SH3PXD2A: variants seen among roughly 807,000 people sequenced by gnomAD.
SH3PXD2A encodes SH3 and PX domain-containing protein 2A.
In SH3PXD2A, 32 loss-of-function variants were observed where a neutral mutation model predicts 115.2. The observed-to-expected ratio is 0.28, with a 90% CI of 0.21 to 0.37. The LOEUF (loss-of-function observed/expected upper bound fraction) is 0.37. Ranked by LOEUF, SH3PXD2A falls within the 10% of genes least tolerant of loss-of-function variation. The pLI is 1.00. For synonymous variants in SH3PXD2A, 610 were observed against 629.1 expected (o/e 0.97, Z 0.45); for missense variants, 1,328 against 1,498.7 (o/e 0.89, Z 1.88).
At chr10:103,809,149 G>A (rs2039238288) in intron 1 of SH3PXD2A, among the ~76,000 whole-genome samples, 1 of 152,178 alleles carries the variant, frequency 6.6e-6, no homozygotes, top group Admixed American at 6.5e-5. Context: ...CCTCTAGAGT[G>A]GGTGTTCATT....
rs140233894 is a variant in SH3PXD2A, at chr10:103,649,095, G to C, written c.604+11888C>G. 1.5e-3 allele frequency among the ~76,000 whole-genome samples: 232 copies of C among 152,316 alleles called. 1 individual carries two copies. The highest frequency in any genetic ancestry group is 4.7e-3 in the African/African-American group (194 of 41,574). ...CAACATGGTCAAATTCCCCTCGCCT[G>C]CTCCCTCTGAGCTGAAACTGGCCCG... On this transcript the variant is annotated intron_variant, in intron 8 of 14. Transcript: ENST00000369774.
At chr10:103,753,022 GTA>G (rs561446789) in intron 3 of SH3PXD2A, among the ~76,000 whole-genome samples, 1 of 151,414 alleles carries the variant, frequency 6.6e-6, no homozygotes, top group Non-Finnish European at 1.5e-5. Context: ...CCTCTAATAT[GTA>G]TATATATATA....
intron 14 of SH3PXD2A, among the ~76,000 whole-genome samples, chr10:103,605,095 T>G (rs1205331373): frequency 6.6e-6 from 1 of 152,220 alleles, no homozygotes; most frequent in African/African-American, 2.4e-5. Context: ...TAGAGTGGCA[T>G]GAATGCTGGA....
intron 11 of SH3PXD2A, among the ~76,000 whole-genome samples, chr10:103,616,718 G>GCCTGCA (rs1335785952): frequency 6.6e-6 from 1 of 152,188 alleles, no homozygotes; most frequent in Non-Finnish European, 1.5e-5. Flanking sequence ...GCTGCAAGAG[G>GCCTGCA]CCTGCACCTG....
At chr10:103,649,979 C>G (rs74154571) in intron 8 of SH3PXD2A, among the ~76,000 whole-genome samples, 7 of 152,352 alleles carry the variant, frequency 4.6e-5, no homozygotes, top group African/African-American at 1.7e-4. Flanking sequence ...GACACTGGCC[C>G]CCAGAAGCCT....
chr10:103,722,640 A>T (rs1332748541), intron 5 of SH3PXD2A, among the ~76,000 whole-genome samples: 2 of 147,358 alleles, frequency 1.4e-5, no homozygotes, highest in African/African-American at 5.0e-5. Flanking sequence ...TTTAAGATTC[A>T]TCCCTGTTTC....
rs35989649 is a variant in SH3PXD2A at position 103,853,127 on chromosome 10, G to A, written c.72+2068C>T. 9.6e-3 allele frequency among the ~76,000 whole-genome samples: 1,459 copies of A among 152,240 alleles called. 7 individuals carry two copies. Among genetic ancestry groups the A allele is most frequent in the Non-Finnish European group, 0.016 (1,106 of 68,008 alleles). On this transcript the variant is annotated intron_variant, in intron 1 of 14. Transcript: ENST00000369774. Reference sequence around the variant, plus strand: ...CTGCCCCCCCAAACATAATGTCATCGATTCTTACTCGGGAAGCGGAGATGT... The same window carrying A: ...CTGCCCCCCCAAACATAATGTCATCAATTCTTACTCGGGAAGCGGAGATGT...
intron 2 of SH3PXD2A, among the ~76,000 whole-genome samples, chr10:103,798,564 T>A (rs1237025327): frequency 1.3e-5 from 2 of 152,192 alleles, no homozygotes; most frequent in African/African-American, 4.8e-5. Flanking sequence ...GGAGAGGGCT[T>A]CCATCAGATT....
At chr10:103,753,558 C>A (rs2038605394) in intron 3 of SH3PXD2A, among the ~76,000 whole-genome samples, 1 of 148,030 alleles carries the variant, frequency 6.8e-6, no homozygotes, top group Non-Finnish European at 1.5e-5. Context: ...GTGGAGGGAA[C>A]TGGGTTTGAA....
At chr10:103,755,695 C>G (rs2038632669) in intron 3 of SH3PXD2A, among the ~76,000 whole-genome samples, 1 of 152,152 alleles carries the variant, frequency 6.6e-6, no homozygotes, top group Admixed American at 6.5e-5. Context: ...AAGTAGAAAG[C>G]CCAGGTATGA....
At chr10:103,685,497 T>C (rs1044874919) in intron 6 of SH3PXD2A, among the ~76,000 whole-genome samples, 1 of 152,144 alleles carries the variant, frequency 6.6e-6, no homozygotes, top group Non-Finnish European at 1.5e-5. Flanking sequence ...ACACCCCACC[T>C]TCCCCCTGTC....
intron 3 of SH3PXD2A, among the ~76,000 whole-genome samples, chr10:103,757,863 G>A (rs1330640029): frequency 6.6e-6 from 1 of 152,190 alleles, no homozygotes; most frequent in East Asian, 1.9e-4. Context: ...TGCAGGAAGT[G>A]AGGCTGTGCC....
intron 1 of SH3PXD2A, among the ~76,000 whole-genome samples, chr10:103,816,953 C>T (rs1224101098): frequency 6.6e-6 from 1 of 151,418 alleles, no homozygotes; most frequent in Non-Finnish European, 1.5e-5. Context: ...GCCTCAGCCT[C>T]CTGACTAGCT....
intron 4 of SH3PXD2A, among the ~76,000 whole-genome samples, chr10:103,729,252 A>G (rs1477324263): frequency 6.6e-6 from 1 of 151,496 alleles, no homozygotes; most frequent in African/African-American, 2.4e-5. Context: ...GCCCTGATCC[A>G]CTCCCTCCTG....
At chr10:103,640,280 A>T (rs527578581) in intron 8 of SH3PXD2A, among the ~76,000 whole-genome samples, 6 of 152,096 alleles carry the variant, frequency 3.9e-5, no homozygotes, top group Admixed American at 1.3e-4. Flanking sequence ...GCACCACTGC[A>T]CTGTAGCCTG....
Position 103,602,918 on chromosome 10 carries a change from G to C in SH3PXD2A, c.2300C>G (p.Ser767Trp). The C allele has an allele frequency of 6.2e-7, 1 of 1,614,074 alleles. No individual in the cohort carries two copies. The highest frequency in any genetic ancestry group is 8.5e-7 in the Non-Finnish European group (1 of 1,180,044). The change falls in exon 15 of 15, where the codon TCG (serine) becomes TGG (tryptophan). Residue 767 changes from serine (S) to tryptophan (W), a missense_variant. Ser to Trp is a radical substitution (Grantham distance 177, BLOSUM62 -3). This residue lies in a region of SH3PXD2A where 574 missense variants were observed against 565.7 expected (regional missense o/e 1.01). Transcript: ENST00000369774. ...RPKPFLNRAE[S>W]QSQEKMDIST... ...GATGTCCATCTTCTCTTGGCTCTGCGACTCTGCTCGGTTTAGGAATGGCTT... is the reference window on the plus strand; with the variant it reads ...GATGTCCATCTTCTCTTGGCTCTGCCACTCTGCTCGGTTTAGGAATGGCTT...
intron 8 of SH3PXD2A, among the ~76,000 whole-genome samples, chr10:103,650,771 A>C (rs1404874197): frequency 6.6e-6 from 1 of 152,194 alleles, no homozygotes; most frequent in Non-Finnish European, 1.5e-5. Context: ...CCTCAGCCAC[A>C]CTTTGCTTTC....
chr10:103,853,241 A>C (rs147684673), intron 1 of SH3PXD2A, among the ~76,000 whole-genome samples: 17 of 152,360 alleles, frequency 1.1e-4, no homozygotes, highest in African/African-American at 3.4e-4. Context: ...CACATAGAAC[A>C]AGTTATTATC....
chr10:103,743,930 C>T (rs759093632), intron 3 of SH3PXD2A, among the ~76,000 whole-genome samples: 2 of 152,198 alleles, frequency 1.3e-5, no homozygotes, highest in East Asian at 1.9e-4. Context: ...AACAGGGTCT[C>T]GCTAGGGAAG....
Sources: gnomAD v4.1 joint callset for allele counts (sites outside exome capture counted in the v4.1 genomes callset) on GRCh38, gnomAD v4.1.1 for gene constraint, gnomAD v4.1.1 regional missense constraint, MANE v1.5 for transcripts, NCBI Gene and HGNC (gene_info 2026-07-23, HGNC 2026-07-21) for gene names.